ADAMTS14: variants seen among roughly 807,000 people sequenced by gnomAD.
ADAMTS14 encodes A disintegrin and metalloproteinase with thrombospondin motifs 14.
In ADAMTS14, 100 loss-of-function variants were observed where a neutral mutation model predicts 128.6. That is an observed-to-expected ratio of 0.78 (90% CI 0.66 to 0.92). The LOEUF is 0.92. Among genes scored for constraint, ADAMTS14 ranks in the 40% least tolerant of loss-of-function variants. ADAMTS14 has a pLI of 0.00. For missense variants in ADAMTS14, 1,562 were observed against 1,658.6 expected, an observed-to-expected ratio of 0.94 and a Z score of 1.01; for synonymous variants, 665 against 653.8, an observed-to-expected ratio of 1.02 and a Z score of -0.26.
At chr10:70,724,853 A>G (rs1162669852) in intron 4 of ADAMTS14, among the ~76,000 whole-genome samples, 1 of 152,162 alleles carries the variant, frequency 6.6e-6, no homozygotes, top group Non-Finnish European at 1.5e-5. Context: ...ATTTAGTATA[A>G]GAAAAGACCC....
intron 2 of ADAMTS14, among the ~76,000 whole-genome samples, chr10:70,695,733 A>G (rs1840316495): frequency 6.6e-6 from 1 of 152,252 alleles, no homozygotes; most frequent in Admixed American, 6.5e-5. Context: ...TGAGATGACC[A>G]GTGGAGATCC....
chr10:70,751,373 G>C, intron 16 of ADAMTS14, 105 bp from the exon 17 acceptor site: 1 of 1,148,262 alleles, frequency 8.7e-7, no homozygotes, highest in South Asian at 1.4e-5. Context: ...AGCTTTCACA[G>C]GTTCTGCTCC....
Position 70,730,091 on chromosome 10 carries a change from G to T in ADAMTS14, c.955-11G>T. On this transcript the variant is annotated splice_polypyrimidine_tract_variant and intron_variant, in intron 5 of 21. Coordinates refer to ENST00000373207, the MANE Select transcript of ADAMTS14 (RefSeq NM_080722.4). ...TCCACGTGGCTGTTGGTGCTCTCCC[G>T]GCCCCTGCAGTCCCTGAGCCTGATC... 1 of 1,584,186 alleles carries T rather than the reference G, an allele frequency of 6.3e-7. No individual in the cohort carries two copies. Among genetic ancestry groups the T allele is most frequent in the Non-Finnish European group, 8.6e-7 (1 of 1,165,804 alleles).
intron 15 of ADAMTS14, among the ~76,000 whole-genome samples, chr10:70,749,029 A>C (rs1272034777): frequency 6.6e-6 from 1 of 152,134 alleles, no homozygotes; most frequent in Non-Finnish European, 1.5e-5. Flanking sequence ...AAGGGGTAGA[A>C]ATTTATGGAT....
intron 2 of ADAMTS14, 88 bp from the exon 3 acceptor site, chr10:70,702,224 T>G: frequency 6.4e-7 from 1 of 1,570,106 alleles, no homozygotes; most frequent in South Asian, 1.2e-5. Flanking sequence ...GTCACATATG[T>G]GCATTCACAG....
At chr10:70,680,944 C>T (rs932310713) in intron 2 of ADAMTS14, among the ~76,000 whole-genome samples, 32 of 152,158 alleles carry the variant, frequency 2.1e-4, no homozygotes, top group African/African-American at 1.9e-4. Flanking sequence ...CCCAGCCAAT[C>T]GTGATTACTT....
chr10:70,701,727 T>C (rs1190898517), intron 2 of ADAMTS14, among the ~76,000 whole-genome samples: 1 of 152,176 alleles, frequency 6.6e-6, no homozygotes, highest in Non-Finnish European at 1.5e-5. Context: ...TCCTGGCTCA[T>C]TTATCGTGAA....
chr10:70,704,981 CA>C (rs1840615351), intron 3 of ADAMTS14, among the ~76,000 whole-genome samples: 1 of 151,890 alleles, frequency 6.6e-6, no homozygotes, highest in South Asian at 2.1e-4. Context: ...ACCCCACATC[CA>C]CACACTGACA....
intron 9 of ADAMTS14, 104 bp from the exon 10 acceptor site, chr10:70,736,576 C>CT: frequency 9.8e-7 from 1 of 1,016,462 alleles, no homozygotes; most frequent in East Asian, 2.9e-5. Context: ...CTGCAGTGCC[C>CT]TGGGTGCCTG....
intron 4 of ADAMTS14, among the ~76,000 whole-genome samples, chr10:70,726,366 T>C (rs10999489): frequency 0.024 from 3,592 of 152,310 alleles, 164 homozygotes; most frequent in African/African-American, 0.082. Context: ...ATTCACATGG[T>C]CTGCCTTACA....
At chr10:70,751,135 C>T (rs1284101957) in intron 16 of ADAMTS14, among the ~76,000 whole-genome samples, 1 of 152,214 alleles carries the variant, frequency 6.6e-6, no homozygotes, top group Non-Finnish European at 1.5e-5. Flanking sequence ...TAACTGCCTT[C>T]TAGAGCCAGG....
intron 8 of ADAMTS14, 104 bp downstream of exon 8, chr10:70,734,132 G>C: frequency 6.9e-7 from 1 of 1,459,578 alleles, no homozygotes. Context: ...CCCCTGGCTT[G>C]ACTCTTCCGT....
rs554892445 is a variant in ADAMTS14 at position 70,693,896 on chromosome 10, C to T, written c.523-8416C>T. On this transcript the variant is annotated intron_variant, in intron 2 of 21. Coordinates refer to ENST00000373207, the MANE Select transcript of ADAMTS14 (RefSeq NM_080722.4). ...TTGAACCTTTGGCTTGTTGTGGCAG[C>T]GCTGATGGTGCTGGTATGGGGTGCC... Among the ~76,000 whole-genome samples, 256 of 152,288 alleles carry T rather than the reference C, an allele frequency of 1.7e-3. 4 individuals are homozygous for T. Among genetic ancestry groups the T allele is most frequent in the Admixed American group, 0.014 (208 of 15,292 alleles).
chr10:70,726,386 C>T (rs1222452409), intron 4 of ADAMTS14, among the ~76,000 whole-genome samples: 3 of 152,188 alleles, frequency 2.0e-5, no homozygotes, highest in African/African-American at 4.8e-5. Flanking sequence ...AAGAAAGACA[C>T]GTGGAGGAAG....
intron 15 of ADAMTS14, among the ~76,000 whole-genome samples, chr10:70,748,819 C>T (rs1407485722): frequency 6.6e-6 from 1 of 152,202 alleles, no homozygotes; most frequent in Admixed American, 6.5e-5. Flanking sequence ...CACCTGGACA[C>T]CCCAAGGCTC....
intron 2 of ADAMTS14, among the ~76,000 whole-genome samples, chr10:70,687,908 G>C (rs1475350787): frequency 2.2e-5 from 2 of 92,038 alleles, no homozygotes; most frequent in South Asian, 1.0e-3. Flanking sequence ...TGTCCGGGCG[G>C]GGGGGCTGAC....
At chr10:70,750,192 T>A (rs1175110437) in intron 16 of ADAMTS14, among the ~76,000 whole-genome samples, 1 of 152,194 alleles carries the variant, frequency 6.6e-6, no homozygotes, top group Non-Finnish European at 1.5e-5. Flanking sequence ...GACAGTTGTC[T>A]CCTCACTGTC....
At chr10:70,677,173 C>T (rs1224606853) in intron 2 of ADAMTS14, among the ~76,000 whole-genome samples, 1 of 152,194 alleles carries the variant, frequency 6.6e-6, no homozygotes, top group Non-Finnish European at 1.5e-5. Context: ...AGCTAGCACT[C>T]CTGAAGCACG....
At chr10:70,681,514 T>C (rs1839801718) in intron 2 of ADAMTS14, among the ~76,000 whole-genome samples, 1 of 152,206 alleles carries the variant, frequency 6.6e-6, no homozygotes, top group Non-Finnish European at 1.5e-5. Context: ...TGGAGGTTTG[T>C]AAACAGGAGT....
Sources: allele counts gnomAD v4.1 joint callset (sites outside exome capture counted in the v4.1 genomes callset), GRCh38; gene constraint gnomAD v4.1.1; transcripts MANE v1.5; gene names NCBI Gene and HGNC (gene_info 2026-07-23, HGNC 2026-07-21).